Variants in SAMD5 observed in about 807,000 individuals in gnomAD.
SAMD5 encodes the protein sterile alpha motif domain containing 5.
Under a neutral mutation model 11.3 loss-of-function variants are expected in SAMD5, and 13 were observed. The observed-to-expected ratio is 1.15, with a 90% CI of 0.75 to 1.83. The LOEUF (loss-of-function observed/expected upper bound fraction) is 1.83. Among genes scored for constraint, SAMD5 ranks in the 40% most tolerant of loss-of-function variants. The pLI, the probability that SAMD5 is intolerant of heterozygous loss-of-function variation, is 0.00. For missense variants in SAMD5, 255 were observed against 239.1 expected (o/e 1.07, Z -0.44); for synonymous variants, 129 against 111.3 (o/e 1.16, Z -1.00).
At chr6:147,578,233 T>C (rs1206751348) in intron 1 of SAMD5, among the ~76,000 whole-genome samples, 1 of 152,202 alleles carries the variant, frequency 6.6e-6, no homozygotes, top group Non-Finnish European at 1.5e-5. Context: ...ATTAGTTGCT[T>C]AAAAGTTATT....
intron 1 of SAMD5, among the ~76,000 whole-genome samples, chr6:147,538,817 A>T (rs1788553917): frequency 6.6e-6 from 1 of 152,164 alleles, no homozygotes; most frequent in African/African-American, 2.4e-5. Context: ...AACTGTCCTT[A>T]TTTCCAAAAG....
the SAMD5 span, among the ~76,000 whole-genome samples, chr6:147,752,902 T>A: frequency 6.6e-6 from 1 of 152,230 alleles, no homozygotes; most frequent in Non-Finnish European, 1.5e-5. Flanking sequence ...GAATCCAGAT[T>A]TCTGCTTTTA....
chr6:147,655,030 C>A (rs1562344262), intron 1 of SAMD5, among the ~76,000 whole-genome samples: 1 of 152,110 alleles, frequency 6.6e-6, no homozygotes, highest in Non-Finnish European at 1.5e-5. Context: ...AGGCACCTAG[C>A]AATTTTACTT....
At chr6:147,539,519 C>G (rs1056030295) in intron 1 of SAMD5, among the ~76,000 whole-genome samples, 2 of 152,162 alleles carry the variant, frequency 1.3e-5, no homozygotes, top group African/African-American at 4.8e-5. Context: ...CAAAACAGAA[C>G]AGTGCCTTTG....
chr6:147,878,631 CTA>C, the SAMD5 span, among the ~76,000 whole-genome samples: 11 of 143,628 alleles, frequency 7.7e-5, no homozygotes, highest in African/African-American at 2.6e-4. Flanking sequence ...GTATATATAT[CTA>C]TATATTTACA....
At chr6:147,878,596 C>CTATGT in the SAMD5 span, among the ~76,000 whole-genome samples, 2 of 143,672 alleles carry the variant, frequency 1.4e-5, no homozygotes, top group Non-Finnish European at 1.5e-5. Flanking sequence ...GATATATATA[C>CTATGT]ATATATATCT....
At chr6:147,806,158 T>C in the SAMD5 span, among the ~76,000 whole-genome samples, 1 of 152,152 alleles carries the variant, frequency 6.6e-6, no homozygotes, top group Non-Finnish European at 1.5e-5. Context: ...ACACATGGTA[T>C]CTTCCAGGGC....
chr6:147,800,681 A>G, the SAMD5 span, among the ~76,000 whole-genome samples: 1 of 152,206 alleles, frequency 6.6e-6, no homozygotes. Flanking sequence ...TTGAAATAAC[A>G]TTGTTAGTGG....
chr6:147,731,652 C>CAA (rs4052655), intron 1 of SAMD5, among the ~76,000 whole-genome samples: 4,975 of 89,964 alleles, frequency 0.055, 421 homozygotes, highest in African/African-American at 0.16. Flanking sequence ...CTGGCCACTA[C>CAA]AAAAAAAAAA....
At chr6:147,631,679 A>C (rs754078868) in intron 1 of SAMD5, among the ~76,000 whole-genome samples, 5 of 152,164 alleles carry the variant, frequency 3.3e-5, no homozygotes, top group Non-Finnish European at 5.9e-5. Flanking sequence ...CTACCCACCC[A>C]GTGAAAGTGT....
chr6:147,840,073 A>G, the SAMD5 span, among the ~76,000 whole-genome samples: 1 of 152,206 alleles, frequency 6.6e-6, no homozygotes, highest in African/African-American at 2.4e-5. Context: ...CCTTTTCATG[A>G]TGAGCTTTAG....
the SAMD5 span, among the ~76,000 whole-genome samples, chr6:147,833,277 T>C: frequency 2.0e-5 from 3 of 152,248 alleles, no homozygotes; most frequent in African/African-American, 7.2e-5. Flanking sequence ...CACCTATTTA[T>C]GATTACAGTG....
chr6:147,881,519 G>C, the SAMD5 span, among the ~76,000 whole-genome samples: 1 of 152,146 alleles, frequency 6.6e-6, no homozygotes, highest in South Asian at 2.1e-4. Flanking sequence ...TCATCTTCCT[G>C]TGGCCTCCAT....
At chr6:147,641,015 T>A (rs771654698) in intron 1 of SAMD5, among the ~76,000 whole-genome samples, 1 of 152,248 alleles carries the variant, frequency 6.6e-6, no homozygotes, top group African/African-American at 2.4e-5. Flanking sequence ...AATAGTAAGT[T>A]TGATTCCTTA....
At chr6:147,877,881 C>CACACAT in the SAMD5 span, among the ~76,000 whole-genome samples, 9 of 82,328 alleles carry the variant, frequency 1.1e-4, 1 homozygote, top group African/African-American at 3.7e-4. Flanking sequence ...CACACACACA[C>CACACAT]GATAGATAGA....
the SAMD5 span, among the ~76,000 whole-genome samples, chr6:147,916,456 G>A: frequency 6.6e-6 from 1 of 152,134 alleles, no homozygotes; most frequent in African/African-American, 2.4e-5. Flanking sequence ...TAACAGGTGT[G>A]AGATGGTATC....
chr6:147,814,788 T>G, the SAMD5 span, among the ~76,000 whole-genome samples: 1 of 152,238 alleles, frequency 6.6e-6, no homozygotes, highest in Non-Finnish European at 1.5e-5. Flanking sequence ...GCCTCTTTTT[T>G]TCTGTTAAAC....
intron 1 of SAMD5, among the ~76,000 whole-genome samples, chr6:147,627,606 A>C (rs996898232): frequency 1.3e-5 from 2 of 152,178 alleles, no homozygotes; most frequent in African/African-American, 4.8e-5. Flanking sequence ...TATTAATGCG[A>C]GTCAGGAGAA....
the SAMD5 span, among the ~76,000 whole-genome samples, chr6:147,909,166 G>A: frequency 8.5e-5 from 13 of 152,178 alleles, no homozygotes; most frequent in South Asian, 8.3e-4. Flanking sequence ...CTTTGCTTGC[G>A]CCACCACACG....
Sources: allele counts gnomAD v4.1 joint callset (sites outside exome capture counted in the v4.1 genomes callset), GRCh38; gene constraint gnomAD v4.1.1; transcripts MANE v1.5; gene names NCBI Gene and HGNC (gene_info 2026-07-23, HGNC 2026-07-21).